The following DNAJC27 variants were observed in gnomAD, a reference collection of about 807,000 sequenced individuals.
DNAJC27 encodes DnaJ heat shock protein family (Hsp40) member C27, also known as dnaJ homolog subfamily C member 27.
In DNAJC27, 25 loss-of-function variants were observed where a neutral mutation model predicts 31.4. That is an observed-to-expected ratio of 0.80 (90% CI 0.58 to 1.11). DNAJC27 has a LOEUF of 1.11. Among genes scored for constraint, DNAJC27 ranks in the 50% most tolerant of loss-of-function variants. DNAJC27 has a pLI of 0.00. For synonymous variants in DNAJC27, 106 were observed against 112.7 expected (o/e 0.94, Z 0.37); for missense variants, 356 against 347.3 (o/e 1.02, Z -0.20).
intron 6 of DNAJC27, among the ~76,000 whole-genome samples, chr2:24,950,406 T>C (rs1229804202): frequency 6.6e-6 from 1 of 152,202 alleles, no homozygotes; most frequent in Non-Finnish European, 1.5e-5. Flanking sequence ...TGTACTACAC[T>C]ACAATATGTG....
intron 6 of DNAJC27, among the ~76,000 whole-genome samples, chr2:24,949,693 G>A (rs1665721569): frequency 1.3e-5 from 2 of 152,172 alleles, no homozygotes; most frequent in South Asian, 4.1e-4. Context: ...ATAGGGGCCT[G>A]TAAGTTCTGG....
chr2:24,950,783 G>T (rs1352346469), intron 6 of DNAJC27, among the ~76,000 whole-genome samples: 1 of 151,864 alleles, frequency 6.6e-6, no homozygotes, highest in Non-Finnish European at 1.5e-5. Flanking sequence ...GGAGGCAGAG[G>T]TTTCAGTGAG....
chr2:24,950,833 G>A (rs1473294688), intron 6 of DNAJC27, among the ~76,000 whole-genome samples: 2 of 151,078 alleles, frequency 1.3e-5, no homozygotes, highest in Non-Finnish European at 2.9e-5. Flanking sequence ...GGTGATAAGA[G>A]TGAGACTCTG....
At chr2:24,963,039 C>A (rs1003953301) in intron 3 of DNAJC27, 17 of 201,178 alleles carry the variant, frequency 8.5e-5, no homozygotes, top group African/African-American at 3.0e-4. Flanking sequence ...GGAACGATCA[C>A]CCCAGTACCC....
chr2:24,951,926 T>C (rs964965955), intron 5 of DNAJC27, among the ~76,000 whole-genome samples: 10 of 151,962 alleles, frequency 6.6e-5, no homozygotes, highest in South Asian at 2.1e-4. Flanking sequence ...CTGGGCAACA[T>C]GGCAAACCCA....
chr2:24,951,436 T>C lies in DNAJC27; in HGVS notation c.647A>G (p.Lys216Arg). Residue 216 changes from lysine to arginine, a missense_variant, in exon 6 of 7, where the codon AAA becomes AGA. Physicochemically the swap from Lys to Arg is conservative, Grantham distance 26. Coordinates refer to ENST00000264711, the MANE Select transcript of DNAJC27 (RefSeq NM_016544.3). ...ADAIRRIRNS[K>R]DSWDMLGVKP... ...GACTCCCAGCATGTCCCAACTGTCT[T>C]TACTATTTCGAATTCTGCGAATGGC... The C allele has an allele frequency of 1.9e-6, 3 of 1,613,904 alleles. No individual in the cohort carries two copies. Among genetic ancestry groups the C allele is most frequent in the Non-Finnish European group, 2.5e-6 (3 of 1,179,896 alleles).
intron 3 of DNAJC27, among the ~76,000 whole-genome samples, chr2:24,962,768 TA>T (rs1666081002): frequency 6.6e-6 from 1 of 151,346 alleles, no homozygotes; most frequent in Non-Finnish European, 1.5e-5. Context: ...CTCAAGAATC[TA>T]AAACAAAAAG....
rs947445453 is a variant in DNAJC27 at position 24,944,499 on chromosome 2, G to T, written c.*3117C>A. On this transcript the variant is annotated 3_prime_UTR_variant, in exon 7 of 7. Transcript: ENST00000264711. ...TTAGGTACTAGTTTATAGGTATAAAGAAATAGTTACTTAGTTGAGAATTCA... is the reference window on the plus strand; with the variant it reads ...TTAGGTACTAGTTTATAGGTATAAATAAATAGTTACTTAGTTGAGAATTCA... The T allele has an allele frequency of 1.3e-5, 2 of 152,440 alleles. No individual in the cohort carries two copies. The highest frequency in any genetic ancestry group is 4.8e-5 in the African/African-American group (2 of 41,366). 9.4% of individuals were successfully genotyped at this position (152,440 alleles called of 1,614,324 possible).
rs1444854264 is a variant in DNAJC27 at position 24,945,697 on chromosome 2, C to T, written c.*1919G>A. On this transcript the variant is annotated 3_prime_UTR_variant, in exon 7 of 7. Transcript: ENST00000264711. ...AAGCCAGTTAAAGGCCAGAGGAAAA[C>T]CTCGCAAGAAATAACATATATCAAT... The T allele has an allele frequency of 6.6e-6, 1 of 152,198 alleles. No individual in the cohort carries two copies. Among genetic ancestry groups the T allele is most frequent in the Non-Finnish European group, 1.5e-5 (1 of 68,036 alleles). The allele number at this position is 152,198 out of a possible 1,614,324, so 9.4% of individuals were successfully genotyped here.
At position 24,971,922 on chromosome 2, in the gene DNAJC27, G is replaced by A. The variant is rs553041269; in HGVS notation, c.-18C>T. The A allele has an allele frequency of 9.0e-4, 1,405 of 1,559,880 alleles. 17 individuals are homozygous for A. The South Asian group carries it at 0.015, about 16-fold the overall frequency. On this transcript the variant is annotated 5_prime_UTR_variant, in exon 1 of 7. Coordinates refer to ENST00000264711, the MANE Select transcript of DNAJC27 (RefSeq NM_016544.3). ...GCCTCCATGGCCCTGGCTCTCTCGG[G>A]GCCACCCGCCTCGGTCTCTTCTTGT...
chr2:24,962,661 T>C (rs1460312008), intron 3 of DNAJC27, among the ~76,000 whole-genome samples: 2 of 152,236 alleles, frequency 1.3e-5, no homozygotes, highest in Non-Finnish European at 2.9e-5. Context: ...ATCTCAGAAT[T>C]TGTGGGACAC....
intron 1 of DNAJC27, 101 bp from the exon 2 acceptor site, chr2:24,967,394 A>G: frequency 1.0e-6 from 1 of 967,814 alleles, no homozygotes; most frequent in East Asian, 2.6e-5. Flanking sequence ...ATCACTATGA[A>G]AAAGCATTTT....
chr2:24,963,543 T>C (rs1418119092), intron 2 of DNAJC27, 69 bp from the exon 3 acceptor site: 2 of 1,342,526 alleles, frequency 1.5e-6, no homozygotes, highest in African/African-American at 1.5e-5. Context: ...ATATCATTTA[T>C]AAATTTCAAA....
rs1325279031 is a variant in DNAJC27 at position 24,951,557 on chromosome 2, A to C, written c.529-3T>G. On this transcript the variant is annotated splice_polypyrimidine_tract_variant and splice_region_variant and intron_variant, in intron 5 of 6. Transcript: ENST00000264711. ...TCAACTATGGATATATAAAAGGTCT[A>C]CAAGAAGAAAACATAACCCAGGGTA... The C allele has an allele frequency of 6.2e-7, 1 of 1,606,660 alleles. No individual in the cohort carries two copies. Among genetic ancestry groups the C allele is most frequent in the African/African-American group, 1.3e-5 (1 of 74,760 alleles).
intron 2 of DNAJC27, among the ~76,000 whole-genome samples, chr2:24,965,622 T>A (rs557044550): frequency 6.6e-6 from 1 of 152,296 alleles, no homozygotes; most frequent in South Asian, 2.1e-4. Flanking sequence ...TTTCATTCTT[T>A]AAAGAAAATT....
At chr2:24,957,646 A>G (rs896658389) in intron 4 of DNAJC27, among the ~76,000 whole-genome samples, 164 bp downstream of exon 4, 1 of 152,076 alleles carries the variant, frequency 6.6e-6, no homozygotes. Context: ...AGCAGGTTTT[A>G]GGCTGCTGTG....
At chr2:24,947,784 A>G (rs376043877) in intron 6 of DNAJC27, 36 bp from the exon 7 acceptor site, 11 of 1,597,668 alleles carry the variant, frequency 6.9e-6, no homozygotes, top group Non-Finnish European at 9.4e-6. Context: ...TTAGTAACAG[A>G]GTCAGCCCAA....
intron 5 of DNAJC27, among the ~76,000 whole-genome samples, chr2:24,952,122 A>G (rs910333033): frequency 6.6e-6 from 1 of 152,198 alleles, no homozygotes; most frequent in Non-Finnish European, 1.5e-5. Context: ...TCAAAAACAA[A>G]CCAACCAACC....
intron 5 of DNAJC27, among the ~76,000 whole-genome samples, chr2:24,951,901 G>A (rs1318845088): frequency 6.6e-6 from 1 of 152,084 alleles, no homozygotes; most frequent in Non-Finnish European, 1.5e-5. Flanking sequence ...TTGAGCTCAG[G>A]AGTTTGAGAC....
Sources: allele counts gnomAD v4.1 joint callset (sites outside exome capture counted in the v4.1 genomes callset), GRCh38; gene constraint gnomAD v4.1.1; transcripts MANE v1.5; gene names NCBI Gene and HGNC (gene_info 2026-07-23, HGNC 2026-07-21).